CAMSAP1: variants seen among roughly 807,000 people sequenced by gnomAD.
The protein encoded by CAMSAP1 is calmodulin-regulated spectrin-associated protein 1.
A neutral mutation model predicts 143.5 loss-of-function variants in CAMSAP1; 58 were observed. The ratio of observed to expected loss-of-function variants is 0.40; its 90% confidence interval spans 0.33 to 0.50. The LOEUF is 0.50. Ranked by LOEUF, CAMSAP1 falls within the 20% of genes least tolerant of loss-of-function variation. The probability of loss-of-function intolerance (pLI) is 0.45; values close to 1 mark genes in which losing one functional copy is unlikely to be tolerated. For missense variants in CAMSAP1, 1,969 were observed against 2,115.7 expected (o/e 0.93, Z 1.36); for synonymous variants, 945 against 859.3 (o/e 1.10, Z -1.74).
rs189434603 is a variant in CAMSAP1, at chr9:135,860,050, A to T, written c.808+2417T>A. ...CAAAACCCTATCTCCACAAAAAAAAAAAAAATAAAAAAATACAAAAGTTAG... is the reference window on the plus strand; with the variant it reads ...CAAAACCCTATCTCCACAAAAAAAATAAAAATAAAAAAATACAAAAGTTAG... On this transcript the variant is annotated intron_variant, in intron 5 of 16. Coordinates refer to ENST00000389532, the MANE Select transcript of CAMSAP1 (RefSeq NM_015447.4). 5.1e-3 allele frequency among the ~76,000 whole-genome samples: 766 copies of T among 150,380 alleles called. 2 individuals carry two copies. Among genetic ancestry groups the T allele is most frequent in the Non-Finnish European group, 6.3e-3 (425 of 67,564 alleles).
Position 135,808,591 on chromosome 9 carries a change from T to C in CAMSAP1, c.*2718A>G, listed in dbSNP as rs1398902856. ...ATAACCTAGAAGTAATTTAGAATTATTCCACTTTTCAATTTTGCCTGAGTG... is the reference window on the plus strand; with the variant it reads ...ATAACCTAGAAGTAATTTAGAATTACTCCACTTTTCAATTTTGCCTGAGTG... On this transcript the variant is annotated 3_prime_UTR_variant, in exon 17 of 17. Coordinates refer to ENST00000389532, the MANE Select transcript of CAMSAP1 (RefSeq NM_015447.4). 2 of 152,246 alleles carry C rather than the reference T, an allele frequency of 1.3e-5. No homozygotes were observed. The highest frequency in any genetic ancestry group is 2.9e-5 in the Non-Finnish European group (2 of 68,046). The allele number at this position is 152,246 out of a possible 1,614,324, so 9.4% of individuals were successfully genotyped here.
In CAMSAP1 at chr9:135,907,274, G is replaced by T; in HGVS notation, c.-115C>A. The T allele has an allele frequency of 1.5e-6, 1 of 654,864 alleles. No homozygotes were observed. The highest frequency in any genetic ancestry group is 1.9e-6 in the Non-Finnish European group (1 of 528,896). 40.6% of individuals were successfully genotyped at this position (654,864 alleles called of 1,614,324 possible). A position where few individuals can be genotyped will look rare whatever the true frequency, so the allele number is the denominator to read the frequency against. ...ACTCGGCCCCGCAGCCGGCCAGCCG[G>T]GAGGGGCGCCCGAGCGCGGCCCCCG... On this transcript the variant is annotated 5_prime_UTR_variant, in exon 1 of 17. Transcript: ENST00000389532.
chr9:135,887,626 T>A (rs762959680), intron 1 of CAMSAP1, among the ~76,000 whole-genome samples: 14 of 151,830 alleles, frequency 9.2e-5, no homozygotes, highest in Non-Finnish European at 1.5e-4. Context: ...TTTCACTGGG[T>A]CAGGGTACAG....
rs1835412833 is a variant in CAMSAP1 at position 135,820,705 on chromosome 9, C to CT, written c.3822+133dup. ...GACAGAGACTCTGTGGCCCACAAAG[C>CT]TAAACACACACATCCCCTGGCCTCT... On this transcript the variant is annotated intron_variant, in intron 11 of 16. Transcript: ENST00000389532. This position sits in a 1 kb window ranked among gnomAD's most constrained non-coding sequence, Gnocchi z 4.4. The CT allele has an allele frequency of 2.5e-6, 3 of 1,210,700 alleles. No homozygotes were observed. The Admixed American group carries it at 7.4e-5, about 30-fold the overall frequency. The allele number at this position is 1,210,700 out of a possible 1,614,324, so 75.0% of individuals were successfully genotyped here.
rs1835026760 is a variant in CAMSAP1 at position 135,810,960 on chromosome 9, AAGG to A, written c.*346_*348del. The A allele has an allele frequency of 5.4e-5, 18 of 331,392 alleles. No homozygotes were observed. In the South Asian group the frequency reaches 6.4e-4, roughly 12 times the overall value. The allele number at this position is 331,392 out of a possible 1,614,324, so 20.5% of individuals were successfully genotyped here. A position where few individuals can be genotyped will look rare whatever the true frequency, so the allele number is the denominator to read the frequency against. ...AGTGGATCACGTCTAATCTATGCTG[AAGG>A]AGAACTTCAAGTAAGGGAGCTCCGT... is the stretch of plus-strand genomic sequence containing the variant. On this transcript the variant is annotated 3_prime_UTR_variant, in exon 17 of 17. Coordinates refer to ENST00000389532, the MANE Select transcript of CAMSAP1 (RefSeq NM_015447.4).
Position 135,821,616 on chromosome 9 carries a change from G to C in CAMSAP1, c.3045C>G (p.Val1015=). ...TGGAAAGGTCACATTCATTCACGTC[G>C]ACAACCTCCCCAACAGTGTCCTCCA... ...ALLEDTVGEV[V]DVNECDLSIE... is the part of the protein sequence containing the mutation. Residue 1015 remains valine (V), a synonymous_variant, in exon 11 of 17, where the codon GTC becomes GTG. Coordinates refer to ENST00000389532, the MANE Select transcript of CAMSAP1 (RefSeq NM_015447.4). This position sits in a 1 kb window ranked among gnomAD's most constrained non-coding sequence, Gnocchi z 4.6. 3 of 1,613,968 alleles carry C rather than the reference G, an allele frequency of 1.9e-6. No homozygotes were observed. Among genetic ancestry groups the C allele is most frequent in the Non-Finnish European group, 2.5e-6 (3 of 1,179,888 alleles).
chr9:135,890,317 C>A (rs931354494), intron 1 of CAMSAP1, among the ~76,000 whole-genome samples: 2 of 152,106 alleles, frequency 1.3e-5, no homozygotes, highest in Non-Finnish European at 2.9e-5. Context: ...TCCACACACA[C>A]AATTCACACC....
chr9:135,883,853 C>T (rs544840910), intron 1 of CAMSAP1, among the ~76,000 whole-genome samples: 18 of 152,280 alleles, frequency 1.2e-4, no homozygotes, highest in African/African-American at 4.3e-4. Flanking sequence ...CCAGCCTGAA[C>T]CCACACAATC....
intron 16 of CAMSAP1, among the ~76,000 whole-genome samples, chr9:135,814,874 GC>G (rs1564413926): frequency 6.6e-6 from 1 of 152,166 alleles, no homozygotes; most frequent in Non-Finnish European, 1.5e-5. Context: ...TCTGAACCCT[GC>G]CCCGTCCTCC....
At chr9:135,813,293 T>C (rs1429339516) in intron 16 of CAMSAP1, among the ~76,000 whole-genome samples, 1 of 152,244 alleles carries the variant, frequency 6.6e-6, no homozygotes, top group Non-Finnish European at 1.5e-5. Context: ...GCGGCTGAGA[T>C]GCCAGCCCTC....
intron 1 of CAMSAP1, among the ~76,000 whole-genome samples, chr9:135,889,462 A>G (rs1010248468): frequency 2.0e-5 from 3 of 152,254 alleles, no homozygotes; most frequent in African/African-American, 7.2e-5. Flanking sequence ...CCATGGAACA[A>G]TGCTCCAAGA....
At chr9:135,879,182 G>A (rs1488036318) in intron 3 of CAMSAP1, among the ~76,000 whole-genome samples, 7 of 152,130 alleles carry the variant, frequency 4.6e-5, no homozygotes, top group African/African-American at 1.7e-4. Flanking sequence ...CACAAATGAG[G>A]AGTCAGGAGC....
rs529783795 is a variant in CAMSAP1, at chr9:135,850,774, A to G, written c.809-313T>C. Among the ~76,000 whole-genome samples the G allele has an allele frequency of 2.0e-5, 3 of 152,358 alleles. No homozygotes were observed. The South Asian group carries it at 6.2e-4, about 32-fold the overall frequency. On this transcript the variant is annotated intron_variant, in intron 5 of 16. Transcript: ENST00000389532. ...TCACCTTTCACTTTACAGCAGAGCC[A>G]TGCTGCACGTAGCGAGTAAATGTTG...
intron 7 of CAMSAP1, among the ~76,000 whole-genome samples, chr9:135,828,161 G>A (rs1206219413): frequency 6.6e-6 from 1 of 152,222 alleles, no homozygotes. Flanking sequence ...CTTGGCCCAC[G>A]CCTGCTCACC....
chr9:135,905,231 T>C (rs889837395), intron 1 of CAMSAP1, among the ~76,000 whole-genome samples: 15 of 152,228 alleles, frequency 9.9e-5, no homozygotes, highest in African/African-American at 3.6e-4. Context: ...GAAGTGAAAC[T>C]AGACGAACCC....
chr9:135,871,575 AT>A, intron 3 of CAMSAP1, among the ~76,000 whole-genome samples: 1 of 152,292 alleles, frequency 6.6e-6, no homozygotes, highest in South Asian at 2.1e-4. Context: ...TTAAATAAAT[AT>A]TTTTAAACTT....
chr9:135,890,835 C>A (rs1189392854), intron 1 of CAMSAP1, among the ~76,000 whole-genome samples: 1 of 152,198 alleles, frequency 6.6e-6, no homozygotes, highest in Non-Finnish European at 1.5e-5. Context: ...GAGCAAAAGC[C>A]AGCAGAAACA....
intron 5 of CAMSAP1, among the ~76,000 whole-genome samples, chr9:135,855,909 G>C (rs372360260): frequency 6.6e-6 from 1 of 151,950 alleles, no homozygotes; most frequent in Non-Finnish European, 1.5e-5. Context: ...AAAATTAGCC[G>C]GGCGCGGTGG....
intron 4 of CAMSAP1, among the ~76,000 whole-genome samples, chr9:135,864,278 T>C (rs1837298296): frequency 6.6e-6 from 1 of 152,236 alleles, no homozygotes; most frequent in African/African-American, 2.4e-5. Flanking sequence ...CTTTGATATT[T>C]AGCTCTTCAG....
Sources: allele counts gnomAD v4.1 joint callset (sites outside exome capture counted in the v4.1 genomes callset), GRCh38; gene constraint gnomAD v4.1.1; non-coding constraint Gnocchi (gnomAD v3.1); transcripts MANE v1.5; gene names NCBI Gene and HGNC (gene_info 2026-07-23, HGNC 2026-07-21).